XIRP2: variants seen among roughly 807,000 people sequenced by gnomAD.
The protein encoded by XIRP2 is xin actin-binding repeat-containing protein 2.
A neutral mutation model predicts 277.0 loss-of-function variants in XIRP2; 236 were observed. The observed-to-expected ratio is 0.85, with a 90% confidence interval of 0.77 to 0.95. The LOEUF is 0.95. XIRP2 is among the 40% of genes least tolerant of loss of function. The pLI is 0.00. For missense variants in XIRP2, 4,640 were observed against 4,157.5 expected (o/e 1.12, Z -3.19); for synonymous variants, 1,490 against 1,416.5 (o/e 1.05, Z -1.17).
intron 2 of XIRP2, among the ~76,000 whole-genome samples, chr2:166,979,369 CTTTTTT>C (rs66909002): frequency 9.2e-6 from 1 of 108,524 alleles, no homozygotes; most frequent in South Asian, 3.1e-4. Flanking sequence ...CTTTTCTTTT[CTTTTTT>C]TTTTTTTTTT....
chr2:167,217,966 A>T (rs976465459), intron 4 of XIRP2, among the ~76,000 whole-genome samples, 200 bp from the exon 5 acceptor site: 3 of 152,192 alleles, frequency 2.0e-5, no homozygotes, highest in Non-Finnish European at 2.9e-5. Context: ...TTTATATCAA[A>T]AGACTGATAA....
At chr2:167,135,304 T>A (rs569923448) in intron 2 of XIRP2, among the ~76,000 whole-genome samples, 253 of 152,214 alleles carry the variant, frequency 1.7e-3, no homozygotes, top group Non-Finnish European at 2.8e-3. Flanking sequence ...ATGCTAGACT[T>A]TCTATGTTGG....
intron 2 of XIRP2, among the ~76,000 whole-genome samples, chr2:167,089,334 T>A (rs1415894405): frequency 1.3e-5 from 2 of 152,170 alleles, no homozygotes. Flanking sequence ...ATAACCATAG[T>A]TCATCAGTTA....
At chr2:166,977,750 G>C (rs752747434) in intron 2 of XIRP2, among the ~76,000 whole-genome samples, 25 of 152,114 alleles carry the variant, frequency 1.6e-4, no homozygotes, top group Non-Finnish European at 2.8e-4. Context: ...AAACCTTGCT[G>C]TTTTTCCAGC....
rs1353280528 is a variant in XIRP2, at chr2:167,251,174, A to G, written c.9782A>G (p.Glu3261Gly). 1.2e-6 allele frequency: 2 copies of G among 1,613,490 alleles called. No individual in the cohort carries two copies. Among genetic ancestry groups the G allele is most frequent in the Non-Finnish European group, 1.7e-6 (2 of 1,179,726 alleles). ...SFRESVDAQE[E>G]IRKVEKRATY... ...AGAGAATCTGTGGACGCTCAAGAGG[A>G]AATCAGGAAAGTGGAGAAGAGAGCT... is the stretch of plus-strand genomic sequence containing the variant. Residue 3261 changes from glutamate (E) to glycine (G), a missense_variant, in exon 9 of 11, where the codon GAA becomes GGA. Transcript: ENST00000409195.
At chr2:167,237,475 T>G (rs1421376952) in intron 5 of XIRP2, among the ~76,000 whole-genome samples, 1 of 151,988 alleles carries the variant, frequency 6.6e-6, no homozygotes, top group African/African-American at 2.4e-5. Flanking sequence ...TATTAGCAAG[T>G]GATAGTGATG....
intron 6 of XIRP2, among the ~76,000 whole-genome samples, 153 bp from the exon 7 acceptor site, chr2:167,240,511 G>A (rs965771479): frequency 1.3e-5 from 2 of 152,156 alleles, no homozygotes; most frequent in African/African-American, 4.8e-5. Context: ...GCGAATCTAT[G>A]TATTAAAATA....
chr2:167,034,571 T>C (rs1010629872), intron 2 of XIRP2, among the ~76,000 whole-genome samples: 1 of 149,760 alleles, frequency 6.7e-6, no homozygotes, highest in Admixed American at 6.7e-5. Flanking sequence ...AAGATACACA[T>C]AGACTGAAAA....
chr2:167,101,025 CAAT>C (rs1690472372), intron 2 of XIRP2, among the ~76,000 whole-genome samples: 1 of 151,874 alleles, frequency 6.6e-6, no homozygotes, highest in Non-Finnish European at 1.5e-5. Context: ...TTGAAAACAA[CAAT>C]AAAAAAAATC....
chr2:166,994,617 A>G, intron 2 of XIRP2, among the ~76,000 whole-genome samples: 1 of 149,878 alleles, frequency 6.7e-6, no homozygotes. Flanking sequence ...GATGTTAATG[A>G]TATTTACGTT....
At chr2:167,255,185 C>A (rs114233239) in intron 10 of XIRP2, among the ~76,000 whole-genome samples, 1 of 151,794 alleles carries the variant, frequency 6.6e-6, no homozygotes, top group Non-Finnish European at 1.5e-5. Flanking sequence ...ATCACATCCA[C>A]TCCCATGATT....
At chr2:167,229,249 T>A (rs1049606067) in intron 5 of XIRP2, among the ~76,000 whole-genome samples, 3 of 152,156 alleles carry the variant, frequency 2.0e-5, no homozygotes, top group Non-Finnish European at 4.4e-5. Context: ...CCTTTCTATC[T>A]GAAGGCTCAT....
chr2:167,073,685 G>A (rs1448409327), intron 2 of XIRP2, among the ~76,000 whole-genome samples: 1 of 152,120 alleles, frequency 6.6e-6, no homozygotes, highest in East Asian at 1.9e-4. Context: ...AATTTAGAAA[G>A]GATTTCCTTT....
intron 4 of XIRP2, among the ~76,000 whole-genome samples, chr2:167,217,751 A>G (rs1362400723): frequency 6.6e-6 from 1 of 152,172 alleles, no homozygotes; most frequent in Non-Finnish European, 1.5e-5. Context: ...TTTTAAAATT[A>G]TTCTTAATAA....
chr2:166,891,201 A>G (rs1558905109), intron 1 of XIRP2, among the ~76,000 whole-genome samples: 1 of 152,220 alleles, frequency 6.6e-6, no homozygotes, highest in African/African-American at 2.4e-5. Flanking sequence ...TGGCGGTAAG[A>G]TAAGCTTATT....
intron 2 of XIRP2, among the ~76,000 whole-genome samples, chr2:167,057,455 A>C (rs1689065372): frequency 6.6e-6 from 1 of 152,200 alleles, no homozygotes; most frequent in Non-Finnish European, 1.5e-5. Context: ...CATCTTTGGC[A>C]GACATAGAAT....
chr2:167,091,494 G>A (rs1228455553), intron 2 of XIRP2, among the ~76,000 whole-genome samples: 1 of 151,808 alleles, frequency 6.6e-6, no homozygotes, highest in African/African-American at 2.4e-5. Context: ...TTAATTATAG[G>A]GACTGCCTTT....
At chr2:167,085,550 G>A (rs554611287) in intron 2 of XIRP2, among the ~76,000 whole-genome samples, 1 of 152,100 alleles carries the variant, frequency 6.6e-6, no homozygotes, top group African/African-American at 2.4e-5. Context: ...GGGTGTTAAA[G>A]TCTCCCATTA....
At chr2:166,970,808 T>C in intron 2 of XIRP2, among the ~76,000 whole-genome samples, 1 of 152,062 alleles carries the variant, frequency 6.6e-6, no homozygotes, top group African/African-American at 2.4e-5. Flanking sequence ...TAAAACCAAT[T>C]CTGAAGTTGA....
Sources: gnomAD v4.1 joint callset for allele counts (sites outside exome capture counted in the v4.1 genomes callset) on GRCh38, gnomAD v4.1.1 for gene constraint, MANE v1.5 for transcripts, NCBI Gene and HGNC (gene_info 2026-07-23, HGNC 2026-07-21) for gene names.